Variants in DMD observed in about 807,000 individuals in gnomAD.
DMD encodes mutant dystrophin.
In DMD, 63 loss-of-function variants were observed where a neutral mutation model predicts 330.1. The ratio of observed to expected loss-of-function variants is 0.19; its 90% CI spans 0.16 to 0.24. The LOEUF (loss-of-function observed/expected upper bound fraction) is 0.24, where lower values mean the gene tolerates loss of function less well. DMD is among the 10% of genes least tolerant of loss of function. DMD has a pLI of 1.00. For missense variants in DMD, 3,344 were observed against 2,684.1 expected (o/e 1.25, Z -5.43); for synonymous variants, 1,223 against 959.8 (o/e 1.27, Z -5.07).
chrX:32,072,887 T>A (rs1249699259), intron 44 of DMD, among the ~76,000 whole-genome samples: 1 of 112,020 alleles, frequency 8.9e-6, no homozygotes. Flanking sequence ...TTTTTAGTGT[T>A]TAATACTCGG....
intron 26 of DMD, among the ~76,000 whole-genome samples, chrX:32,453,995 A>C (rs760019449): frequency 9.0e-6 from 1 of 111,160 alleles, no homozygotes; most frequent in East Asian, 2.8e-4. Context: ...CAAGTGAGGA[A>C]GTATGATGAT....
chrX:31,135,216 A>G (rs1158508379), intron 76 of DMD, among the ~76,000 whole-genome samples: 1 of 112,258 alleles, frequency 8.9e-6, no homozygotes, highest in African/African-American at 3.2e-5. Context: ...ACAAAAGAGT[A>G]AGAATTGAAC....
At chrX:31,497,921 C>T (rs969384845) in intron 56 of DMD, among the ~76,000 whole-genome samples, 1 of 112,136 alleles carries the variant, frequency 8.9e-6, no homozygotes, top group African/African-American at 3.2e-5. Context: ...TTTAACGCTG[C>T]AAAGATTGAA....
At chrX:33,246,133 T>C (rs763560918) in intron 1 of DMD, among the ~76,000 whole-genome samples, 12 of 112,476 alleles carry the variant, frequency 1.1e-4, no homozygotes, top group African/African-American at 3.9e-4. Context: ...TGCTCAATTA[T>C]GAATCCTGCT....
At chrX:32,946,126 T>G (rs1386385265) in intron 2 of DMD, among the ~76,000 whole-genome samples, 1 of 111,863 alleles carries the variant, frequency 8.9e-6, no homozygotes, top group African/African-American at 3.2e-5. Context: ...AAGTTATTTC[T>G]TGTACTGCTT....
chrX:31,134,046 G>C (rs1010518063), intron 77 of DMD, 56 bp downstream of exon 77: 1 of 1,060,952 alleles, frequency 9.4e-7, no homozygotes, highest in African/African-American at 1.8e-5. Context: ...GTTGGGTAGG[G>C]AAGCGAGTGG....
At chrX:32,738,215 A>G (rs2068772968) in intron 7 of DMD, among the ~76,000 whole-genome samples, 1 of 111,955 alleles carries the variant, frequency 8.9e-6, no homozygotes, top group Non-Finnish European at 1.9e-5. Context: ...GCACAGGAAT[A>G]AAACTGAGTT....
At chrX:31,898,354 C>G (rs1238917823) in intron 47 of DMD, among the ~76,000 whole-genome samples, 87 of 109,966 alleles carry the variant, frequency 7.9e-4, no homozygotes, top group Middle Eastern at 4.7e-3. Context: ...CATCACACTA[C>G]CTGACTTCAA....
intron 4 of DMD, among the ~76,000 whole-genome samples, chrX:32,830,714 T>A (rs1035288005): frequency 1.8e-5 from 2 of 111,885 alleles, no homozygotes; most frequent in Non-Finnish European, 3.8e-5. Context: ...AGGCCTAAGA[T>A]TTTACTCATA....
intron 7 of DMD, among the ~76,000 whole-genome samples, chrX:32,782,078 A>G (rs2074822042): frequency 8.9e-6 from 1 of 111,963 alleles, no homozygotes; most frequent in Non-Finnish European, 1.9e-5. Flanking sequence ...TTTTAGAATA[A>G]AAACCAATTT....
chrX:32,137,488 T>G (rs1003118209), intron 44 of DMD, among the ~76,000 whole-genome samples: 2 of 111,640 alleles, frequency 1.8e-5, no homozygotes, highest in Non-Finnish European at 3.8e-5. Context: ...CACACAAAGA[T>G]AGTGAATGAC....
intron 1 of DMD, among the ~76,000 whole-genome samples, chrX:33,335,805 G>A (rs2054244387): frequency 9.0e-6 from 1 of 111,034 alleles, no homozygotes; most frequent in Non-Finnish European, 1.9e-5. Context: ...CTGGTTTACT[G>A]TGATTCATTA....
At chrX:33,191,180 G>T (rs899365892) in intron 1 of DMD, among the ~76,000 whole-genome samples, 9 of 101,800 alleles carry the variant, frequency 8.8e-5, no homozygotes, top group Non-Finnish European at 4.0e-5. Context: ...CATTCCTAAT[G>T]CCCTAAGGCT....
chrX:32,600,099 AC>A (rs1487870830), intron 12 of DMD, among the ~76,000 whole-genome samples: 6 of 111,569 alleles, frequency 5.4e-5, no homozygotes, highest in African/African-American at 2.0e-4. Flanking sequence ...TTTAAACCTG[AC>A]TTTTCTTGTA....
intron 44 of DMD, among the ~76,000 whole-genome samples, chrX:32,186,335 T>G (rs751869713): frequency 1.0e-3 from 113 of 111,463 alleles, no homozygotes; most frequent in African/African-American, 3.3e-3. Flanking sequence ...GTAATTCAAT[T>G]TTGTTAGGAA....
intron 11 of DMD, among the ~76,000 whole-genome samples, chrX:32,642,269 G>C (rs868591592): frequency 5.2e-4 from 58 of 112,238 alleles, no homozygotes; most frequent in Middle Eastern, 4.2e-3. Context: ...AAAAGTCTAT[G>C]TGATAGAAGT....
At chrX:31,177,566 T>C (rs1050321883) in intron 71 of DMD, among the ~76,000 whole-genome samples, 12 of 111,652 alleles carry the variant, frequency 1.1e-4, no homozygotes, top group Non-Finnish European at 1.9e-4. Context: ...AATGTTATTA[T>C]GTAATCAGAA....
At chrX:32,585,579 A>G (rs2054154892) in intron 13 of DMD, among the ~76,000 whole-genome samples, 1 of 106,776 alleles carries the variant, frequency 9.4e-6, no homozygotes, top group Non-Finnish European at 1.9e-5. Flanking sequence ...AGGCGCCTGC[A>G]GTCCCAGCTA....
intron 59 of DMD, among the ~76,000 whole-genome samples, chrX:31,456,063 C>T (rs1374494036): frequency 1.2e-5 from 1 of 84,924 alleles, no homozygotes; most frequent in Non-Finnish European, 2.2e-5. Flanking sequence ...GATGATCCCT[C>T]TCTCTCTCTC....
Sources: allele counts gnomAD v4.1 joint callset (sites outside exome capture counted in the v4.1 genomes callset), GRCh38; gene constraint gnomAD v4.1.1; transcripts MANE v1.5; gene names NCBI Gene and HGNC (gene_info 2026-07-23, HGNC 2026-07-21).